The following SETD5 variants were observed in gnomAD, a reference collection of about 807,000 sequenced individuals.
SETD5 encodes the protein SET domain containing 5.
A neutral mutation model predicts 153.3 loss-of-function variants in SETD5; 44 were observed. That is an observed-to-expected ratio of 0.29 (90% confidence interval 0.23 to 0.37). SETD5 has a LOEUF of 0.37. Ranked by LOEUF, SETD5 falls within the 10% of genes least tolerant of loss-of-function variation. The pLI is 1.00. For synonymous variants in SETD5, 716 were observed against 645.2 expected, an observed-to-expected ratio of 1.11 and a Z score of -1.66; for missense variants, 1,544 against 1,768.0, an observed-to-expected ratio of 0.87 and a Z score of 2.27.
rs1287855773 is a variant in SETD5, at chr3:9,434,373, C to G, written c.217C>G (p.Pro73Ala). ...PRSDLNGLPS[P>A]VEERCGDSPN... ...TTCTGACCTGAATGGCCTGCCGTCG[C>G]CTGTAGAGGAACGCTGTGGAGACAG... Residue 73 changes from proline (P) to alanine (A), a missense_variant, in exon 5 of 23, where the codon CCT (proline) becomes GCT (alanine). This residue lies in a region of SETD5 where 251 missense variants were observed against 326.9 expected (regional missense o/e 0.77). Coordinates refer to ENST00000402198, the MANE Select transcript of SETD5 (RefSeq NM_001080517.3). The surrounding 1 kb of genome is among the most constrained non-coding windows in gnomAD (Gnocchi z 5.6). 6.2e-7 allele frequency: 1 copy of G among 1,613,808 alleles called. No homozygotes were observed. The highest frequency in any genetic ancestry group is 8.5e-7 in the Non-Finnish European group (1 of 1,179,862).
intron 1 of SETD5, among the ~76,000 whole-genome samples, chr3:9,405,970 A>G (rs2035588245): frequency 6.6e-6 from 1 of 152,206 alleles, no homozygotes; most frequent in African/African-American, 2.4e-5. Flanking sequence ...TGCAGTTAAT[A>G]ATCAACTGTT....
At position 9,434,915 on chromosome 3, in the gene SETD5, A is replaced by G. The variant is rs1167232406; in HGVS notation, c.388+33A>G. Reference sequence around the variant, plus strand: ...GAAGATGGGTTAGGTCCACAATTTGACATAAAAATATTCTGTGATCTGAAT... The same window carrying G: ...GAAGATGGGTTAGGTCCACAATTTGGCATAAAAATATTCTGTGATCTGAAT... On this transcript the variant is annotated intron_variant, in intron 6 of 22. Transcript: ENST00000402198. This position sits in a 1 kb window ranked among gnomAD's most constrained non-coding sequence, Gnocchi z 5.6. 1 of 1,604,176 alleles carries G rather than the reference A, an allele frequency of 6.2e-7. No individual in the cohort carries two copies. Among genetic ancestry groups the G allele is most frequent in the South Asian group, 1.1e-5 (1 of 89,238 alleles).
intron 1 of SETD5, among the ~76,000 whole-genome samples, chr3:9,410,755 A>AC (rs767229906): frequency 1.3e-5 from 2 of 152,102 alleles, no homozygotes; most frequent in Non-Finnish European, 2.9e-5. Flanking sequence ...TTTTTCACTA[A>AC]CTAATATTTT....
intron 1 of SETD5, among the ~76,000 whole-genome samples, chr3:9,404,290 C>G (rs1025828848): frequency 6.6e-6 from 1 of 151,846 alleles, no homozygotes; most frequent in Admixed American, 6.6e-5. Flanking sequence ...ATTAAGCAAG[C>G]CTGACCAAGT....
intron 17 of SETD5, among the ~76,000 whole-genome samples, chr3:9,456,983 A>T (rs967425666): frequency 6.6e-6 from 1 of 151,974 alleles, no homozygotes; most frequent in African/African-American, 2.4e-5. Flanking sequence ...TCAAAAAGAA[A>T]GAAAGAAAGA....
intron 2 of SETD5, among the ~76,000 whole-genome samples, chr3:9,427,295 T>C (rs1487048304): frequency 6.6e-6 from 1 of 152,204 alleles, no homozygotes; most frequent in Non-Finnish European, 1.5e-5. Flanking sequence ...ACGCCTATAG[T>C]CCTAGCACTT....
chr3:9,453,314 T>G (rs1386757476), intron 16 of SETD5, among the ~76,000 whole-genome samples: 1 of 150,716 alleles, frequency 6.6e-6, no homozygotes, highest in Non-Finnish European at 1.5e-5. Context: ...TTCACACGTC[T>G]CTAGCACGGG....
At chr3:9,420,263 T>C (rs1398108266) in intron 1 of SETD5, among the ~76,000 whole-genome samples, 1 of 152,126 alleles carries the variant, frequency 6.6e-6, no homozygotes, top group Non-Finnish European at 1.5e-5. Flanking sequence ...AATTCTGTTA[T>C]TTATGATATG....
intron 16 of SETD5, among the ~76,000 whole-genome samples, chr3:9,450,627 C>A (rs1176654130): frequency 6.6e-6 from 1 of 152,120 alleles, no homozygotes; most frequent in African/African-American, 2.4e-5. Flanking sequence ...TAATGCAGAA[C>A]CTAAGAACAT....
At position 9,414,395 on chromosome 3, in the gene SETD5, GTGT is replaced by G. The variant is rs201508429; in HGVS notation, c.-176-10061_-176-10059del. Among the ~76,000 whole-genome samples, 44 of 152,260 alleles carry G rather than the reference GTGT, an allele frequency of 2.9e-4. 1 individual carries two copies. The highest frequency in any genetic ancestry group is 6.3e-4 in the African/African-American group (26 of 41,552). On this transcript the variant is annotated intron_variant, in intron 1 of 22. Coordinates refer to ENST00000402198, the MANE Select transcript of SETD5 (RefSeq NM_001080517.3). ...TGTGTTTTTTGGGGAGTGTGTGTGT[GTGT>G]TGTTGTTGTTAAGAATTCGGGGATG...
At chr3:9,423,946 T>G (rs2038788631) in intron 1 of SETD5, among the ~76,000 whole-genome samples, 1 of 152,214 alleles carries the variant, frequency 6.6e-6, no homozygotes, top group African/African-American at 2.4e-5. Context: ...CTGACTCCTT[T>G]TTATCACTCT....
intron 16 of SETD5, among the ~76,000 whole-genome samples, chr3:9,451,114 G>A (rs1012390344): frequency 6.6e-6 from 1 of 152,054 alleles, no homozygotes; most frequent in African/African-American, 2.4e-5. Context: ...ATGTGTATAG[G>A]GCATTTGGTC....
chr3:9,399,827 CAAAAAA>C (rs33940536), intron 1 of SETD5, among the ~76,000 whole-genome samples: 2 of 128,674 alleles, frequency 1.6e-5, no homozygotes, highest in Admixed American at 7.6e-5. Context: ...AGCACTGGTC[CAAAAAA>C]AAAAAAAAAA....
chr3:9,443,269 G>A (rs1373788964), intron 10 of SETD5, 39 bp from the exon 11 acceptor site: 3 of 1,445,952 alleles, frequency 2.1e-6, no homozygotes, highest in African/African-American at 2.8e-5. Flanking sequence ...AAAGTTCATG[G>A]TCTTTATGAA....
chr3:9,469,517 T>A (rs2045046468), intron 18 of SETD5, among the ~76,000 whole-genome samples: 1 of 152,206 alleles, frequency 6.6e-6, no homozygotes, highest in Non-Finnish European at 1.5e-5. Flanking sequence ...AATATGAAAC[T>A]GAAAAAGGTT....
At chr3:9,429,170 A>C (rs971782636) in intron 3 of SETD5, 161 bp downstream of exon 3, 1 of 403,550 alleles carries the variant, frequency 2.5e-6, no homozygotes. Context: ...AAGGTGGTGG[A>C]AAAAAGGAAT....
At chr3:9,420,318 C>G (rs2038179072) in intron 1 of SETD5, among the ~76,000 whole-genome samples, 1 of 152,194 alleles carries the variant, frequency 6.6e-6, no homozygotes, top group East Asian at 1.9e-4. Context: ...CCACATACTA[C>G]TAAGTATGAC....
At chr3:9,432,336 A>G (rs1280537708) in intron 3 of SETD5, 1 of 979,824 alleles carries the variant, frequency 1.0e-6, no homozygotes, top group Non-Finnish European at 1.2e-6. Flanking sequence ...TGAGTTGGAT[A>G]CATATCTCAG....
intron 9 of SETD5, 113 bp downstream of exon 9, chr3:9,441,854 C>A: frequency 7.8e-7 from 1 of 1,285,622 alleles, no homozygotes. Flanking sequence ...AATCACAACT[C>A]AGATAAGCTC....
Sources: allele counts gnomAD v4.1 joint callset (sites outside exome capture counted in the v4.1 genomes callset), GRCh38; gene constraint gnomAD v4.1.1; regional missense constraint gnomAD v4.1.1; non-coding constraint Gnocchi (gnomAD v3.1); transcripts MANE v1.5; gene names NCBI Gene and HGNC (gene_info 2026-07-23, HGNC 2026-07-21).